Variants in NCKAP5 observed in about 807,000 individuals in gnomAD.
The protein encoded by NCKAP5 is NCK associated protein 5.
In NCKAP5, 92 loss-of-function variants were observed where a neutral mutation model predicts 167.0. That is an observed-to-expected ratio of 0.55 (90% CI 0.47 to 0.66). The LOEUF is 0.66. Ranked by LOEUF, NCKAP5 falls within the 30% of genes least tolerant of loss-of-function variation. NCKAP5 has a pLI of 0.00. For missense variants in NCKAP5, 2,378 were observed against 2,315.0 expected (o/e 1.03, Z -0.56); for synonymous variants, 891 against 877.4 (o/e 1.02, Z -0.27).
the NCKAP5 span, among the ~76,000 whole-genome samples, chr2:133,575,575 A>G: frequency 2.0e-5 from 3 of 152,240 alleles, no homozygotes; most frequent in African/African-American, 7.2e-5. Context: ...TTCTTATTTT[A>G]TAAGAAGAGT....
chr2:133,110,564 C>T (rs2081874125), intron 6 of NCKAP5, among the ~76,000 whole-genome samples: 1 of 152,134 alleles, frequency 6.6e-6, no homozygotes, highest in South Asian at 2.1e-4. Flanking sequence ...CGAGAAAAAG[C>T]AGAATATCAT....
chr2:133,491,627 C>A (rs892871666), intron 3 of NCKAP5, among the ~76,000 whole-genome samples: 3 of 152,162 alleles, frequency 2.0e-5, no homozygotes, highest in Non-Finnish European at 4.4e-5. Flanking sequence ...CAGAATACAT[C>A]AGAATAGATC....
chr2:132,998,714 T>C (rs1054785533), intron 6 of NCKAP5, among the ~76,000 whole-genome samples: 3 of 152,168 alleles, frequency 2.0e-5, no homozygotes, highest in Non-Finnish European at 4.4e-5. Context: ...TGCTTCATTT[T>C]ATTATTTCGA....
At chr2:133,257,583 T>G (rs111581234) in intron 4 of NCKAP5, among the ~76,000 whole-genome samples, 10 of 152,300 alleles carry the variant, frequency 6.6e-5, no homozygotes, top group African/African-American at 2.2e-4. Flanking sequence ...TTGTAAATAT[T>G]GAGAACATTT....
intron 4 of NCKAP5, among the ~76,000 whole-genome samples, chr2:133,265,757 G>A (rs2089170452): frequency 6.6e-6 from 1 of 152,174 alleles, no homozygotes; most frequent in African/African-American, 2.4e-5. Flanking sequence ...GGACAGGCGC[G>A]CCCTGCTGGG....
intron 9 of NCKAP5, 115 bp downstream of exon 9, chr2:132,878,733 G>C (rs1480099443): frequency 1.3e-6 from 1 of 793,620 alleles, no homozygotes; most frequent in Non-Finnish European, 2.2e-6. Flanking sequence ...CATTTCTTTG[G>C]AGGAGAAAAT....
chr2:133,560,103 A>G (rs1266755686), intron 1 of NCKAP5, among the ~76,000 whole-genome samples: 1 of 152,248 alleles, frequency 6.6e-6, no homozygotes, highest in Non-Finnish European at 1.5e-5. Flanking sequence ...AAAGTTAGGT[A>G]TAAAACCCAA....
chr2:132,709,106 A>G (rs954413064), intron 19 of NCKAP5, among the ~76,000 whole-genome samples: 2 of 152,090 alleles, frequency 1.3e-5, no homozygotes, highest in Admixed American at 6.6e-5. Flanking sequence ...AACTGTCTAC[A>G]CATTCTTTTG....
intron 7 of NCKAP5, among the ~76,000 whole-genome samples, chr2:132,988,873 C>T (rs1486909255): frequency 9.2e-5 from 14 of 152,282 alleles, no homozygotes; most frequent in Non-Finnish European, 1.5e-4. Context: ...ATTGGTGACT[C>T]TAAATTCCCT....
At chr2:132,772,039 T>C (rs1682121302) in intron 16 of NCKAP5, among the ~76,000 whole-genome samples, 1 of 151,916 alleles carries the variant, frequency 6.6e-6, no homozygotes, top group South Asian at 2.1e-4. Flanking sequence ...TAGCTCTGGG[T>C]AGATAGACAA....
chr2:133,099,059 C>A (rs539083616), intron 6 of NCKAP5, among the ~76,000 whole-genome samples: 5 of 152,140 alleles, frequency 3.3e-5, no homozygotes, highest in Admixed American at 1.3e-4. Flanking sequence ...AATGACTTAT[C>A]TTTTACCCAC....
intron 3 of NCKAP5, among the ~76,000 whole-genome samples, chr2:133,435,848 G>A (rs1174627296): frequency 1.3e-5 from 2 of 151,982 alleles, no homozygotes; most frequent in African/African-American, 2.4e-5. Flanking sequence ...CTTCCATGTC[G>A]GGGTTCCTTT....
At chr2:133,031,500 C>G (rs1418222638) in intron 6 of NCKAP5, among the ~76,000 whole-genome samples, 1 of 152,170 alleles carries the variant, frequency 6.6e-6, no homozygotes, top group African/African-American at 2.4e-5. Context: ...TCCATGTCTC[C>G]GAGTAAACTT....
chr2:132,789,289 C>T (rs1238491323), intron 13 of NCKAP5, among the ~76,000 whole-genome samples: 1 of 152,154 alleles, frequency 6.6e-6, no homozygotes, highest in African/African-American at 2.4e-5. Flanking sequence ...AGGCTCAGAG[C>T]AGTCATTATT....
chr2:132,820,052 T>C (rs1439277286), intron 11 of NCKAP5, among the ~76,000 whole-genome samples: 1 of 152,144 alleles, frequency 6.6e-6, no homozygotes, highest in Non-Finnish European at 1.5e-5. Flanking sequence ...TCCCAACAAA[T>C]GTTATGCTAT....
At chr2:133,476,808 T>C (rs1442475017) in intron 3 of NCKAP5, among the ~76,000 whole-genome samples, 1 of 152,202 alleles carries the variant, frequency 6.6e-6, no homozygotes, top group Admixed American at 6.5e-5. Flanking sequence ...TTTAGGAAAA[T>C]ACATCTGATT....
chr2:133,226,153 C>T (rs1334260296), intron 4 of NCKAP5, among the ~76,000 whole-genome samples: 1 of 152,020 alleles, frequency 6.6e-6, no homozygotes, highest in East Asian at 1.9e-4. Context: ...GTTGCCCAGG[C>T]TGATCTTGAA....
At chr2:133,656,310 G>A in the NCKAP5 span, among the ~76,000 whole-genome samples, 2 of 151,564 alleles carry the variant, frequency 1.3e-5, no homozygotes, top group African/African-American at 2.4e-5. Flanking sequence ...GAGAAAATTA[G>A]GCAAAAAACA....
chr2:133,409,044 T>C (rs1688618284), intron 3 of NCKAP5, among the ~76,000 whole-genome samples: 1 of 152,224 alleles, frequency 6.6e-6, no homozygotes, highest in African/African-American at 2.4e-5. Flanking sequence ...AAAGCTAATA[T>C]ATGGAATCTC....
Sources: gnomAD v4.1 joint callset for allele counts (sites outside exome capture counted in the v4.1 genomes callset) on GRCh38, gnomAD v4.1.1 for gene constraint, MANE v1.5 for transcripts, NCBI Gene and HGNC (gene_info 2026-07-23, HGNC 2026-07-21) for gene names.